The following NTN1 variants were observed in gnomAD, a reference collection of about 807,000 sequenced individuals.
NTN1 encodes netrin-1.
In NTN1, 11 loss-of-function variants were observed where a neutral mutation model predicts 54.2. The observed-to-expected ratio is 0.20, with a 90% CI of 0.13 to 0.34. The LOEUF (loss-of-function observed/expected upper bound fraction) is 0.34. Ranked by LOEUF, NTN1 falls within the 10% of genes least tolerant of loss-of-function variation. The pLI, the probability that NTN1 is intolerant of heterozygous loss-of-function variation, is 1.00. For missense variants in NTN1, 740 were observed against 893.1 expected (o/e 0.83, Z 2.18); for synonymous variants, 371 against 382.0 (o/e 0.97, Z 0.33).
chr17:9,158,699 CACCCT>C (rs1216919433), intron 2 of NTN1, among the ~76,000 whole-genome samples: 92 of 152,344 alleles, frequency 6.0e-4, no homozygotes, highest in Non-Finnish European at 1.1e-3. Flanking sequence ...AGGCCCCTGT[CACCCT>C]TGTCTGGCAG....
chr17:9,137,733 T>G (rs147034742), intron 2 of NTN1, among the ~76,000 whole-genome samples: 17,575 of 151,540 alleles, frequency 0.12, 2,113 homozygotes, highest in African/African-American at 0.31. Context: ...GGTGGAGGTT[T>G]CAGTGAGCCG....
intron 2 of NTN1, among the ~76,000 whole-genome samples, chr17:9,052,171 A>G (rs998100783): frequency 1.3e-5 from 2 of 151,936 alleles, no homozygotes; most frequent in Non-Finnish European, 2.9e-5. Flanking sequence ...GGGGTTCTCC[A>G]TGTTGGTCAG....
At chr17:9,086,159 G>A (rs925334093) in intron 2 of NTN1, among the ~76,000 whole-genome samples, 1 of 152,166 alleles carries the variant, frequency 6.6e-6, no homozygotes, top group Non-Finnish European at 1.5e-5. Context: ...ATTGTAGCAA[G>A]TGGAAGTAGG....
intron 2 of NTN1, among the ~76,000 whole-genome samples, chr17:9,112,123 G>T (rs1453901273): frequency 6.6e-6 from 1 of 152,332 alleles, no homozygotes; most frequent in South Asian, 2.1e-4. Flanking sequence ...TGTGCCCATT[G>T]ATCTGCCCCA....
intron 5 of NTN1, among the ~76,000 whole-genome samples, chr17:9,206,674 C>A (rs1178907248): frequency 6.6e-6 from 1 of 152,236 alleles, no homozygotes; most frequent in Non-Finnish European, 1.5e-5. Flanking sequence ...AGCCTCGGAA[C>A]CTTCCTGGCT....
intron 3 of NTN1, chr17:9,176,972 G>A (rs1332262507): frequency 6.6e-6 from 1 of 152,278 alleles, no homozygotes; most frequent in Admixed American, 6.5e-5. Flanking sequence ...GTGCTAAGGA[G>A]TTTGCAGGAG....
At chr17:9,166,778 A>G (rs972534027) in intron 3 of NTN1, among the ~76,000 whole-genome samples, 1 of 152,108 alleles carries the variant, frequency 6.6e-6, no homozygotes, top group Non-Finnish European at 1.5e-5. Context: ...TTGACTCCCA[A>G]ATTGGCTTGG....
rs776327866 is a variant in NTN1 at position 9,178,417 on chromosome 17, AAC to A, written c.1208-1388_1208-1387del. ...TGCATGTCCAGACACAACTTCAACA[AAC>A]AATTCCTCACATTCTTCTCTTCTCC... On this transcript the variant is annotated intron_variant, in intron 3 of 6. Coordinates refer to ENST00000173229, the MANE Select transcript of NTN1 (RefSeq NM_004822.3). 8.5e-5 allele frequency among the ~76,000 whole-genome samples: 13 copies of A among 152,260 alleles called. No individual in the cohort carries two copies. The East Asian group carries it at 2.5e-3, about 29-fold the overall frequency.
intron 2 of NTN1, among the ~76,000 whole-genome samples, chr17:9,153,053 G>A (rs1029480076): frequency 6.6e-6 from 1 of 152,196 alleles, no homozygotes; most frequent in African/African-American, 2.4e-5. Context: ...TGGATCATCT[G>A]AGATCAGGAG....
intron 2 of NTN1, among the ~76,000 whole-genome samples, chr17:9,156,133 G>A (rs1331250152): frequency 1.3e-5 from 2 of 152,188 alleles, no homozygotes; most frequent in East Asian, 3.9e-4. Context: ...CTGGACATGT[G>A]GAAATGTGTC....
chr17:9,172,315 G>A (rs556361405), intron 3 of NTN1, among the ~76,000 whole-genome samples: 1 of 151,932 alleles, frequency 6.6e-6, no homozygotes, highest in South Asian at 2.1e-4. Context: ...GGGAAACATA[G>A]TGAAAATACA....
chr17:9,222,942 C>T (rs1905413094), intron 6 of NTN1, among the ~76,000 whole-genome samples: 1 of 152,130 alleles, frequency 6.6e-6, no homozygotes, highest in African/African-American at 2.4e-5. Flanking sequence ...CACACTGAAG[C>T]CAGGGTAAGA....
intron 2 of NTN1, among the ~76,000 whole-genome samples, chr17:9,047,689 C>T (rs867302270): frequency 4.0e-5 from 6 of 150,350 alleles, no homozygotes; most frequent in South Asian, 2.1e-4. Context: ...TCATGAATCA[C>T]GAATTTTCTT....
At position 9,204,193 on chromosome 17, in the gene NTN1, C is replaced by CCTTCCT. The variant is rs1555576114; in HGVS notation, c.1412-16975_1412-16974insCTTCCT. On this transcript the variant is annotated intron_variant, in intron 5 of 6. Transcript: ENST00000173229. ...TAGTAACCGTTCCTTCCTTCCTTCC[C>CCTTCCT]TCCTTCCTTCCTTCCTTCCTTCCTT... 7.5e-3 allele frequency among the ~76,000 whole-genome samples: 1,103 copies of CCTTCCT among 147,142 alleles called. 21 individuals carry two copies. Among genetic ancestry groups the CCTTCCT allele is most frequent in the East Asian group, 0.024 (121 of 4,948 alleles).
chr17:9,214,365 G>T (rs115593602), intron 5 of NTN1, among the ~76,000 whole-genome samples: 1 of 152,022 alleles, frequency 6.6e-6, no homozygotes, highest in Non-Finnish European at 1.5e-5. Flanking sequence ...GTTATTCTAC[G>T]TCAAAAAATC....
intron 2 of NTN1, among the ~76,000 whole-genome samples, chr17:9,106,525 C>T (rs1008850674): frequency 3.3e-5 from 3 of 91,990 alleles, no homozygotes; most frequent in African/African-American, 1.2e-4. Flanking sequence ...TCCTTCCTTC[C>T]TTCCTTTCGA....
chr17:9,148,944 G>T (rs1391132294), intron 2 of NTN1, among the ~76,000 whole-genome samples: 1 of 151,996 alleles, frequency 6.6e-6, no homozygotes, highest in African/African-American at 2.4e-5. Flanking sequence ...GGGTAGAGGG[G>T]AACAAAGGGC....
rs1232807859 is a variant in NTN1, at chr17:9,228,872, C to A, written c.1486+7630C>A. Among the ~76,000 whole-genome samples, 42 of 6,678 alleles carry A rather than the reference C, an allele frequency of 6.3e-3. 1 individual carries two copies. The highest frequency in any genetic ancestry group is 0.026 in the African/African-American group (27 of 1,054). 4.4% of individuals were successfully genotyped at this position (6,678 alleles called of 152,430 possible). A position where few individuals can be genotyped will look rare whatever the true frequency, so the allele number is the denominator to read the frequency against. ...TGTGTGACTGTGTATGAGAGTGTGT[C>A]TGTGTGTGACTACGCATGTGTGATT... On this transcript the variant is annotated intron_variant, in intron 6 of 6. Transcript: ENST00000173229.
In NTN1 at chr17:9,076,096, A is replaced by G. The variant is rs8073462; in HGVS notation, c.1018+52705A>G. On this transcript the variant is annotated intron_variant, in intron 2 of 6. Transcript: ENST00000173229. ...CATGGTCCCTCAGCTGACTGTGCTC[A>G]TGAGAGCTGATTTGAGAACCTGACC... is the stretch of plus-strand genomic sequence containing the variant. 7.6e-3 allele frequency among the ~76,000 whole-genome samples: 1,165 copies of G among 152,314 alleles called. 16 individuals are homozygous for G. Among genetic ancestry groups the G allele is most frequent in the African/African-American group, 0.027 (1,119 of 41,556 alleles).
Sources: allele counts gnomAD v4.1 joint callset (sites outside exome capture counted in the v4.1 genomes callset), GRCh38; gene constraint gnomAD v4.1.1; transcripts MANE v1.5; gene names NCBI Gene and HGNC (gene_info 2026-07-23, HGNC 2026-07-21).